HDX: variants seen among roughly 807,000 people sequenced by gnomAD.
HDX encodes the protein highly divergent homeobox, also known as chromosome X open reading frame 43.
Under a neutral mutation model 45.2 loss-of-function variants are expected in HDX, and 19 were observed. The ratio of observed to expected loss-of-function variants is 0.42; its 90% CI spans 0.29 to 0.62. The LOEUF is 0.62. Among genes scored for constraint, HDX ranks in the 20% least tolerant of loss-of-function variants. HDX has a pLI of 0.20. For missense variants in HDX, 532 were observed against 493.9 expected (o/e 1.08, Z -0.73); for synonymous variants, 188 against 172.8 (o/e 1.09, Z -0.69).
chrX:84,375,290 G>A (rs2147887476), intron 5 of HDX, among the ~76,000 whole-genome samples: 1 of 111,190 alleles, frequency 9.0e-6, no homozygotes, highest in East Asian at 2.8e-4. Context: ...CTTTTACACT[G>A]CTGGTGGGAC....
chrX:84,452,679 C>T (rs945324942), intron 4 of HDX, among the ~76,000 whole-genome samples: 8 of 111,091 alleles, frequency 7.2e-5, no homozygotes, highest in African/African-American at 2.6e-4. Context: ...AAATCCACAA[C>T]GGGAATAAGG....
intron 5 of HDX, among the ~76,000 whole-genome samples, chrX:84,437,864 T>C (rs982950730): frequency 9.0e-6 from 1 of 111,484 alleles, no homozygotes; most frequent in Non-Finnish European, 1.9e-5. Flanking sequence ...CTACTCTTTG[T>C]GTCAGTATCT....
At chrX:84,468,066 C>A (rs2040385697) in intron 4 of HDX, among the ~76,000 whole-genome samples, 2 of 111,053 alleles carry the variant, frequency 1.8e-5, no homozygotes, top group South Asian at 7.7e-4. Flanking sequence ...TGGTTATGTA[C>A]CAGGGAAGCC....
chrX:84,445,917 T>C (rs921688596), intron 4 of HDX, among the ~76,000 whole-genome samples: 5 of 111,609 alleles, frequency 4.5e-5, no homozygotes, highest in Non-Finnish European at 7.5e-5. Context: ...TTGAAATTTG[T>C]TTTTATACAT....
At chrX:84,485,428 T>C (rs929353550) in intron 2 of HDX, among the ~76,000 whole-genome samples, 1 of 112,232 alleles carries the variant, frequency 8.9e-6, no homozygotes, top group African/African-American at 3.2e-5. Context: ...GTTTGTAACA[T>C]AGTCTCACTC....
intron 1 of HDX, among the ~76,000 whole-genome samples, chrX:84,495,014 A>G (rs2040970409): frequency 9.0e-6 from 1 of 111,636 alleles, no homozygotes; most frequent in African/African-American, 3.3e-5. Context: ...TTCAGCATTG[A>G]CAAAGAAAAA....
intron 5 of HDX, among the ~76,000 whole-genome samples, chrX:84,378,853 T>C (rs2038120227): frequency 9.0e-6 from 1 of 110,992 alleles, no homozygotes; most frequent in Admixed American, 9.6e-5. Flanking sequence ...CAAAAACACA[T>C]AGATGACTGA....
chrX:84,434,333 T>G (rs1014787169), intron 5 of HDX, among the ~76,000 whole-genome samples: 1 of 111,401 alleles, frequency 9.0e-6, no homozygotes, highest in South Asian at 3.7e-4. Context: ...ATATATGACC[T>G]TTGTTGTGTT....
intron 4 of HDX, among the ~76,000 whole-genome samples, chrX:84,458,854 G>A (rs1485524963): frequency 9.0e-6 from 1 of 111,157 alleles, no homozygotes; most frequent in African/African-American, 3.3e-5. Flanking sequence ...CCCTATTGGT[G>A]TCATACTTCA....
intron 5 of HDX, among the ~76,000 whole-genome samples, chrX:84,402,960 C>T (rs1247791228): frequency 1.8e-5 from 2 of 110,998 alleles, no homozygotes; most frequent in Non-Finnish European, 3.8e-5. Flanking sequence ...TACCCTTGCA[C>T]GAAACTTTCA....
intron 4 of HDX, among the ~76,000 whole-genome samples, chrX:84,449,285 G>T (rs2039945120): frequency 9.0e-6 from 1 of 111,630 alleles, no homozygotes; most frequent in Non-Finnish European, 1.9e-5. Flanking sequence ...AGTCTACCAA[G>T]AGATTTATGC....
chrX:84,395,323 G>A (rs2038535524), intron 5 of HDX, among the ~76,000 whole-genome samples: 1 of 104,206 alleles, frequency 9.6e-6, no homozygotes, highest in African/African-American at 3.5e-5. Flanking sequence ...CATTTATGAA[G>A]AATAACATCA....
At chrX:84,327,633 T>A (rs1027506917) in intron 9 of HDX, among the ~76,000 whole-genome samples, 1 of 110,993 alleles carries the variant, frequency 9.0e-6, no homozygotes, top group South Asian at 3.7e-4. Context: ...ATAGACAAAG[T>A]GTAACAAGAC....
Position 84,417,241 on chromosome X carries a change from A to AAAGAAAG in HDX, c.1305+23284_1305+23290dup, listed in dbSNP as rs1556012139. On this transcript the variant is annotated intron_variant, in intron 5 of 10. Coordinates refer to ENST00000373177, the MANE Select transcript of HDX (RefSeq NM_001177479.2). ...GAGAGAAAGAAAGAAAGAAAGAAAG[A>AAAGAAAG]AAGAAAGAAAGAGAAAGTCCCAGTC... Among the ~76,000 whole-genome samples the AAAGAAAG allele has an allele frequency of 1.2e-4, 13 of 111,356 alleles. No individual in the cohort carries two copies. The East Asian group carries it at 3.4e-3, about 29-fold the overall frequency.
chrX:84,327,075 A>C (rs1235076851), intron 9 of HDX, among the ~76,000 whole-genome samples: 1 of 111,877 alleles, frequency 8.9e-6, no homozygotes, highest in Non-Finnish European at 1.9e-5. Flanking sequence ...GATTGTCTTA[A>C]GTTTTTTGCT....
rs755834171 is a variant in HDX at position 84,397,431 on chromosome X, C to T, written c.1306-35819G>A. 3.0e-3 allele frequency among the ~76,000 whole-genome samples: 330 copies of T among 111,817 alleles called. 1 individual carries two copies. Among genetic ancestry groups the T allele is most frequent in the African/African-American group, 0.011 (325 of 30,758 alleles). On this transcript the variant is annotated intron_variant, in intron 5 of 10. Transcript: ENST00000373177. ...TTGGGCAGTGTCATCATGTGGTCTT[C>T]AGGCAGCTCCCTGTTAGTTGCAGGG...
At chrX:84,459,372 G>T (rs902849276) in intron 4 of HDX, among the ~76,000 whole-genome samples, 1 of 109,908 alleles carries the variant, frequency 9.1e-6, no homozygotes, top group Admixed American at 9.7e-5. Context: ...AACCCGGGAG[G>T]CAGAGCGTGC....
At position 84,353,361 on chromosome X, in the gene HDX, T is replaced by C. The variant is rs183112005; in HGVS notation, c.1452+8105A>G. On this transcript the variant is annotated intron_variant, in intron 6 of 10. Transcript: ENST00000373177. ...AAAGGTGGGACCTTTTGGAGGTAAA[T>C]AGGTAATGAGAATGGGTCTCTCATA... Among the ~76,000 whole-genome samples the C allele has an allele frequency of 1.3e-4, 14 of 110,499 alleles. No homozygotes were observed. In the East Asian group the frequency reaches 3.8e-3, roughly 30 times the overall value.
intron 9 of HDX, among the ~76,000 whole-genome samples, chrX:84,329,994 G>A (rs2036812724): frequency 9.0e-6 from 1 of 111,336 alleles, no homozygotes; most frequent in African/African-American, 3.3e-5. Context: ...TTGTATGAAT[G>A]GTGAATATGG....
Sources: allele counts gnomAD v4.1 joint callset (sites outside exome capture counted in the v4.1 genomes callset), GRCh38; gene constraint gnomAD v4.1.1; transcripts MANE v1.5; gene names NCBI Gene and HGNC (gene_info 2026-07-23, HGNC 2026-07-21).